Variants in ASPH observed in about 807,000 individuals in gnomAD.
The protein encoded by ASPH is aspartate beta-hydroxylase, also known as aspartyl/asparaginyl beta-hydroxylase.
Under a neutral mutation model 118.4 loss-of-function variants are expected in ASPH, and 100 were observed. The ratio of observed to expected loss-of-function variants is 0.84; its 90% CI spans 0.72 to 1.00. The LOEUF (loss-of-function observed/expected upper bound fraction) is 1.00, where lower values mean the gene tolerates loss of function less well. ASPH is among the 50% of genes least tolerant of loss of function. The pLI is 0.00. For synonymous variants in ASPH, 315 were observed against 325.6 expected (o/e 0.97, Z 0.35); for missense variants, 920 against 919.5 (o/e 1.00, Z -0.01).
At chr8:61,682,163 CAA>C (rs1272228278) in intron 2 of ASPH, among the ~76,000 whole-genome samples, 2 of 151,948 alleles carry the variant, frequency 1.3e-5, no homozygotes, top group Non-Finnish European at 2.9e-5. Flanking sequence ...TCTGACTTAG[CAA>C]ACACATACAC....
chr8:61,713,926 A>G (rs986773275), intron 1 of ASPH, among the ~76,000 whole-genome samples: 4 of 152,110 alleles, frequency 2.6e-5, no homozygotes, highest in African/African-American at 9.7e-5. Context: ...AAGGCAAACG[A>G]TAAATTGTTC....
intron 13 of ASPH, among the ~76,000 whole-genome samples, chr8:61,627,334 C>T (rs1320061089): frequency 1.3e-5 from 2 of 152,146 alleles, no homozygotes; most frequent in Non-Finnish European, 2.9e-5. Context: ...GTTGCAAAAA[C>T]AAATGTGTGT....
intron 5 of ASPH, among the ~76,000 whole-genome samples, chr8:61,650,610 T>C (rs1348984413): frequency 6.6e-6 from 1 of 152,220 alleles, no homozygotes; most frequent in African/African-American, 2.4e-5. Context: ...TCTCACGTTT[T>C]TTTTCCTGTC....
intron 3 of ASPH, chr8:61,664,209 T>C (rs1261076253): frequency 1.0e-6 from 1 of 969,198 alleles, no homozygotes. Flanking sequence ...ATTAAATGTT[T>C]TCTAAGGTGC....
intron 16 of ASPH, among the ~76,000 whole-genome samples, chr8:61,574,868 C>T (rs989745192): frequency 6.6e-6 from 1 of 151,992 alleles, no homozygotes; most frequent in Non-Finnish European, 1.5e-5. Flanking sequence ...ATAAACAAAA[C>T]CCAAAAAAAC....
Position 61,714,395 on chromosome 8 carries a change from A to T in ASPH, c.-24T>A. 2 of 1,478,164 alleles carry T rather than the reference A, an allele frequency of 1.4e-6. No individual in the cohort carries two copies. Among genetic ancestry groups the T allele is most frequent in the Non-Finnish European group, 1.8e-6 (2 of 1,111,602 alleles). 91.6% of individuals were successfully genotyped at this position (1,478,164 alleles called of 1,614,324 possible). A position where few individuals can be genotyped will look rare whatever the true frequency, so the allele number is the denominator to read the frequency against. ...ATTGCACGGTCCGCGGGGGCTGGTGAGGGCTGGCGGACCTCCTTCAGTGCG... is the reference window on the plus strand; with the variant it reads ...ATTGCACGGTCCGCGGGGGCTGGTGTGGGCTGGCGGACCTCCTTCAGTGCG... On this transcript the variant is annotated 5_prime_UTR_variant, in exon 1 of 25. Coordinates refer to ENST00000379454, the MANE Select transcript of ASPH (RefSeq NM_004318.4).
intron 5 of ASPH, among the ~76,000 whole-genome samples, chr8:61,650,623 C>A (rs534180073): frequency 6.6e-6 from 1 of 152,200 alleles, no homozygotes; most frequent in African/African-American, 2.4e-5. Context: ...TTCCTGTCTG[C>A]TTAGTGCAAC....
chr8:61,669,066 A>T (rs1821089659), intron 3 of ASPH, among the ~76,000 whole-genome samples: 4 of 152,162 alleles, frequency 2.6e-5, no homozygotes, highest in Non-Finnish European at 5.9e-5. Context: ...TTAGGGTTGG[A>T]GGTGCAATGT....
chr8:61,685,827 C>T (rs1476206976), intron 1 of ASPH, among the ~76,000 whole-genome samples: 2 of 150,454 alleles, frequency 1.3e-5, no homozygotes, highest in African/African-American at 4.9e-5. Flanking sequence ...CTCCCTCTGT[C>T]ACCCAGGCTG....
chr8:61,681,535 A>C (rs1248810060), intron 2 of ASPH, among the ~76,000 whole-genome samples: 1 of 151,864 alleles, frequency 6.6e-6, no homozygotes, highest in Non-Finnish European at 1.5e-5. Context: ...TAAAAACTAA[A>C]AAATCATTAA....
At position 61,575,686 on chromosome 8, in the gene ASPH, C is replaced by T. The variant is rs1277987549; in HGVS notation, c.1149+1086G>A. On this transcript the variant is annotated intron_variant, in intron 16 of 24. Transcript: ENST00000379454. ...TGTATTGTAATTATTTTTAAATTTT[C>T]TGTATATTATGATGTTTTGACATCT... Among the ~76,000 whole-genome samples, 2 of 152,100 alleles carry T rather than the reference C, an allele frequency of 1.3e-5. 1 individual carries two copies. The highest frequency in any genetic ancestry group is 2.9e-5 in the Non-Finnish European group (2 of 68,012).
intron 14 of ASPH, among the ~76,000 whole-genome samples, chr8:61,608,713 C>T (rs986934038): frequency 2.0e-5 from 3 of 152,182 alleles, no homozygotes; most frequent in Admixed American, 6.5e-5. Context: ...TCTTAACTAA[C>T]ACTTCTCAAC....
intron 1 of ASPH, among the ~76,000 whole-genome samples, chr8:61,710,752 GAAAA>G (rs1178707928): frequency 6.6e-6 from 1 of 152,146 alleles, no homozygotes; most frequent in Non-Finnish European, 1.5e-5. Context: ...GCTAAAGAAA[GAAAA>G]TTTTGCTAGG....
rs1047802219 is a variant in ASPH, at chr8:61,500,557, G to A, written c.*2802C>T. 2 of 152,202 alleles carry A rather than the reference G, an allele frequency of 1.3e-5. No individual in the cohort carries two copies. The highest frequency in any genetic ancestry group is 2.9e-5 in the Non-Finnish European group (2 of 68,032). The allele number at this position is 152,202 out of a possible 1,614,324, so 9.4% of individuals were successfully genotyped here. A position where few individuals can be genotyped will look rare whatever the true frequency, so the allele number is the denominator to read the frequency against. ...TAAGAGAAGACTAGAAATGCAGGAT[G>A]AAATGTCAAAGGTCATTTTATTTAC... On this transcript the variant is annotated 3_prime_UTR_variant, in exon 25 of 25. Transcript: ENST00000379454.
chr8:61,545,703 C>T (rs1823587527), intron 21 of ASPH, among the ~76,000 whole-genome samples: 1 of 152,224 alleles, frequency 6.6e-6, no homozygotes, highest in African/African-American at 2.4e-5. Context: ...TGCCTTCACA[C>T]AATCAATCAT....
At chr8:61,531,665 G>A (rs1283323020) in intron 21 of ASPH, among the ~76,000 whole-genome samples, 1 of 151,910 alleles carries the variant, frequency 6.6e-6, no homozygotes. Context: ...ATAACTGAAA[G>A]TTTGTACTCT....
chr8:61,535,793 G>A (rs1158215608), intron 21 of ASPH, among the ~76,000 whole-genome samples: 1 of 152,208 alleles, frequency 6.6e-6, no homozygotes, highest in Non-Finnish European at 1.5e-5. Context: ...GAGTAGCAGT[G>A]TAATCTGCCT....
chr8:61,581,815 A>G (rs1339460671), intron 15 of ASPH, among the ~76,000 whole-genome samples: 2 of 152,222 alleles, frequency 1.3e-5, no homozygotes, highest in African/African-American at 4.8e-5. Flanking sequence ...AAGCAAATAT[A>G]TTTCAGTATA....
At chr8:61,601,004 T>G (rs1464563097) in intron 14 of ASPH, among the ~76,000 whole-genome samples, 1 of 151,324 alleles carries the variant, frequency 6.6e-6, no homozygotes, top group Non-Finnish European at 1.5e-5. Flanking sequence ...ATAAAGGGGA[T>G]TATTTCATAA....
Sources: gnomAD v4.1 joint callset for allele counts (sites outside exome capture counted in the v4.1 genomes callset) on GRCh38, gnomAD v4.1.1 for gene constraint, MANE v1.5 for transcripts, NCBI Gene and HGNC (gene_info 2026-07-23, HGNC 2026-07-21) for gene names.